Variants in RALGAPA2 observed in about 807,000 individuals in gnomAD.
The protein encoded by RALGAPA2 is Ral GTPase activating protein catalytic subunit alpha 2.
RALGAPA2 carries 139 observed loss-of-function variants against 230.4 expected under a neutral mutation model. The observed-to-expected ratio is 0.60, with a 90% confidence interval of 0.53 to 0.69. RALGAPA2 has a LOEUF of 0.69. RALGAPA2 is among the 30% of genes least tolerant of loss of function. The probability of loss-of-function intolerance (pLI) is 0.00; values close to 1 mark genes in which losing one functional copy is unlikely to be tolerated. For missense variants in RALGAPA2, 2,163 were observed against 2,276.0 expected (o/e 0.95, Z 1.01); for synonymous variants, 847 against 837.8 (o/e 1.01, Z -0.19).
At chr20:20,406,223 C>A (rs969907092) in intron 38 of RALGAPA2, among the ~76,000 whole-genome samples, 1 of 151,858 alleles carries the variant, frequency 6.6e-6, no homozygotes, top group Non-Finnish European at 1.5e-5. Context: ...CCAATAAATC[C>A]GAATCTAGTG....
chr20:20,605,934 C>T (rs2065806097), intron 14 of RALGAPA2, among the ~76,000 whole-genome samples: 2 of 152,144 alleles, frequency 1.3e-5, no homozygotes, highest in Admixed American at 1.3e-4. Context: ...GGGCTGAACT[C>T]CAAGAGGGGC....
chr20:20,489,187 T>C (rs2061987497), intron 36 of RALGAPA2, among the ~76,000 whole-genome samples: 2 of 152,194 alleles, frequency 1.3e-5, no homozygotes, highest in Non-Finnish European at 2.9e-5. Flanking sequence ...TATCAGCGTC[T>C]ACAGCACAGA....
chr20:20,535,858 C>G (rs1287875385), intron 25 of RALGAPA2, 55 bp from the exon 26 acceptor site: 1 of 1,521,858 alleles, frequency 6.6e-7, no homozygotes, highest in Non-Finnish European at 8.8e-7. Flanking sequence ...TGGTTTCCCA[C>G]ATGTTCTGAC....
intron 37 of RALGAPA2, among the ~76,000 whole-genome samples, chr20:20,419,335 T>C (rs2060229604): frequency 6.6e-6 from 1 of 152,218 alleles, no homozygotes; most frequent in African/African-American, 2.4e-5. Flanking sequence ...ATGAATCTTT[T>C]CTCACCCATC....
chr20:20,390,759 C>G lies in RALGAPA2; in HGVS notation c.*2530G>C, dbSNP rs1357553282. The G allele has an allele frequency of 6.6e-6, 1 of 152,206 alleles. No homozygotes were observed. Among genetic ancestry groups the G allele is most frequent in the Non-Finnish European group, 1.5e-5 (1 of 68,034 alleles). The allele number at this position is 152,206 out of a possible 1,614,324, so 9.4% of individuals were successfully genotyped here. On this transcript the variant is annotated 3_prime_UTR_variant, in exon 40 of 40. Coordinates refer to ENST00000202677, the MANE Select transcript of RALGAPA2 (RefSeq NM_020343.4). ...CCCAGATAACAAAAACAACTCCAGT[C>G]CACGTGATCACGAGAAACGTGGCTG...
At chr20:20,624,756 T>G (rs759593628) in intron 10 of RALGAPA2, among the ~76,000 whole-genome samples, 1 of 152,192 alleles carries the variant, frequency 6.6e-6, no homozygotes, top group Non-Finnish European at 1.5e-5. Flanking sequence ...TAGACAAATC[T>G]TTCAGCAATT....
intron 13 of RALGAPA2, among the ~76,000 whole-genome samples, chr20:20,615,425 G>C (rs2146312577): frequency 6.6e-6 from 1 of 152,146 alleles, no homozygotes; most frequent in South Asian, 2.1e-4. Flanking sequence ...GCCTCCCAAA[G>C]TGCTGGAATT....
chr20:20,627,084 C>T (rs192568082), intron 10 of RALGAPA2, among the ~76,000 whole-genome samples: 6 of 152,050 alleles, frequency 3.9e-5, no homozygotes, highest in Non-Finnish European at 8.8e-5. Flanking sequence ...TGGACTATTA[C>T]GATAAAAAGA....
At chr20:20,581,413 G>A (rs999172114) in intron 20 of RALGAPA2, among the ~76,000 whole-genome samples, 4 of 152,154 alleles carry the variant, frequency 2.6e-5, no homozygotes, top group Non-Finnish European at 5.9e-5. Flanking sequence ...GTAGGTCAAA[G>A]GGCTTTACAG....
intron 38 of RALGAPA2, among the ~76,000 whole-genome samples, chr20:20,400,046 C>A (rs2059799809): frequency 6.6e-6 from 1 of 152,198 alleles, no homozygotes; most frequent in African/African-American, 2.4e-5. Flanking sequence ...TGCTAAATAT[C>A]CTACCAGCAG....
chr20:20,617,857 A>G (rs956079525), intron 12 of RALGAPA2, among the ~76,000 whole-genome samples: 2 of 152,222 alleles, frequency 1.3e-5, no homozygotes, highest in Non-Finnish European at 2.9e-5. Context: ...TATTAGATAT[A>G]AGAACAAAAC....
intron 10 of RALGAPA2, among the ~76,000 whole-genome samples, chr20:20,627,350 T>TA (rs2066520064): frequency 6.6e-6 from 1 of 152,050 alleles, no homozygotes; most frequent in Non-Finnish European, 1.5e-5. Context: ...AAGAAGTTGA[T>TA]ATTAGGGGAA....
chr20:20,497,600 T>G (rs2062245540), intron 35 of RALGAPA2, among the ~76,000 whole-genome samples: 1 of 152,248 alleles, frequency 6.6e-6, no homozygotes, highest in Non-Finnish European at 1.5e-5. Flanking sequence ...CCACAAGTAT[T>G]AGTTGCAAAA....
At chr20:20,528,341 G>A (rs1204066243) in intron 27 of RALGAPA2, among the ~76,000 whole-genome samples, 4 of 152,182 alleles carry the variant, frequency 2.6e-5, no homozygotes, top group Admixed American at 1.3e-4. Flanking sequence ...TCCCTCTGAC[G>A]GTGGTATGAA....
intron 1 of RALGAPA2, among the ~76,000 whole-genome samples, chr20:20,703,681 G>A (rs552641696): frequency 9.2e-5 from 14 of 152,264 alleles, no homozygotes; most frequent in East Asian, 3.9e-4. Context: ...TTTTATATGC[G>A]GTTAAGTCAC....
chr20:20,665,926 C>T (rs1242812445), intron 3 of RALGAPA2, among the ~76,000 whole-genome samples: 3 of 152,214 alleles, frequency 2.0e-5, no homozygotes, highest in Non-Finnish European at 2.9e-5. Flanking sequence ...GTACCTTGGC[C>T]ACCTGGCCCT....
intron 1 of RALGAPA2, among the ~76,000 whole-genome samples, chr20:20,702,050 A>G (rs1297294222): frequency 6.6e-6 from 1 of 152,036 alleles, no homozygotes; most frequent in Non-Finnish European, 1.5e-5. Flanking sequence ...AATAAAAAAA[A>G]AAAAAGAAAG....
chr20:20,483,181 G>C (rs2061822513), intron 36 of RALGAPA2, among the ~76,000 whole-genome samples: 2 of 152,192 alleles, frequency 1.3e-5, no homozygotes, highest in Non-Finnish European at 2.9e-5. Context: ...AGGTAGGAAA[G>C]AGTACATGTT....
chr20:20,696,617 C>T (rs886907230), intron 1 of RALGAPA2, among the ~76,000 whole-genome samples: 1 of 152,026 alleles, frequency 6.6e-6, no homozygotes, highest in Non-Finnish European at 1.5e-5. Flanking sequence ...GCTCCTTTCC[C>T]AGTTCCTTCT....
Sources: allele counts gnomAD v4.1 joint callset (sites outside exome capture counted in the v4.1 genomes callset), GRCh38; gene constraint gnomAD v4.1.1; transcripts MANE v1.5; gene names NCBI Gene and HGNC (gene_info 2026-07-23, HGNC 2026-07-21).